Variants in STX8 observed in about 807,000 individuals in gnomAD.
STX8 encodes syntaxin-8.
In STX8, 23 loss-of-function variants were observed where a neutral mutation model predicts 37.5. The ratio of observed to expected loss-of-function variants is 0.61; its 90% CI spans 0.44 to 0.87. The LOEUF (loss-of-function observed/expected upper bound fraction) is 0.87, where lower values mean the gene tolerates loss of function less well. Ranked by LOEUF, STX8 falls within the 40% of genes least tolerant of loss-of-function variation. STX8 has a pLI of 0.00. For synonymous variants in STX8, 115 were observed against 99.1 expected (o/e 1.16, Z -0.95); for missense variants, 313 against 284.7 (o/e 1.10, Z -0.71).
At chr17:9,275,169 A>G (rs2052717887) in intron 7 of STX8, among the ~76,000 whole-genome samples, 1 of 152,072 alleles carries the variant, frequency 6.6e-6, no homozygotes, top group Non-Finnish European at 1.5e-5. Flanking sequence ...TGACGCAACC[A>G]TCCTCTTGAG....
At chr17:9,281,140 T>A (rs1907865543) in intron 7 of STX8, among the ~76,000 whole-genome samples, 1 of 152,034 alleles carries the variant, frequency 6.6e-6, no homozygotes, top group African/African-American at 2.4e-5. Flanking sequence ...ACGTGGAGAA[T>A]GGACTAGAGG....
intron 7 of STX8, among the ~76,000 whole-genome samples, chr17:9,273,876 T>G (rs1041058965): frequency 6.6e-6 from 1 of 152,186 alleles, no homozygotes; most frequent in Non-Finnish European, 1.5e-5. Context: ...TGCTGTCTAG[T>G]CTAACATGCT....
At chr17:9,255,922 G>A (rs114835423) in intron 7 of STX8, among the ~76,000 whole-genome samples, 3,460 of 152,272 alleles carry the variant, frequency 0.023, 131 homozygotes, top group African/African-American at 0.079. Context: ...GGCTTTCTTC[G>A]AATGTGATCC....
At chr17:9,261,980 G>C (rs1413855433) in intron 7 of STX8, among the ~76,000 whole-genome samples, 1 of 152,114 alleles carries the variant, frequency 6.6e-6, no homozygotes, top group Non-Finnish European at 1.5e-5. Context: ...TGTGGATTCG[G>C]CATTACAAAC....
At chr17:9,482,245 C>A (rs1312676165) in intron 6 of STX8, among the ~76,000 whole-genome samples, 2 of 151,940 alleles carry the variant, frequency 1.3e-5, no homozygotes, top group African/African-American at 2.4e-5. Context: ...ATACCACCTA[C>A]AGAATTTTTT....
chr17:9,466,566 C>T (rs1033315677), intron 6 of STX8, among the ~76,000 whole-genome samples: 2 of 152,174 alleles, frequency 1.3e-5, no homozygotes, highest in African/African-American at 2.4e-5. Flanking sequence ...CTTCAGAATC[C>T]ATACAAACTG....
intron 6 of STX8, among the ~76,000 whole-genome samples, chr17:9,454,607 G>C (rs1567568255): frequency 6.6e-6 from 1 of 151,574 alleles, no homozygotes; most frequent in Non-Finnish European, 1.5e-5. Flanking sequence ...GCAAACCCGG[G>C]AGGCGGAGCT....
chr17:9,297,922 A>G (rs1427109766), intron 7 of STX8, among the ~76,000 whole-genome samples: 1 of 152,206 alleles, frequency 6.6e-6, no homozygotes, highest in African/African-American at 2.4e-5. Flanking sequence ...ACCCCACTGT[A>G]TCTTAAGCGG....
intron 7 of STX8, among the ~76,000 whole-genome samples, chr17:9,277,541 T>C (rs535411495): frequency 1.3e-5 from 2 of 152,178 alleles, no homozygotes; most frequent in Admixed American, 6.5e-5. Context: ...AGGGTCAAGA[T>C]AGACATGATA....
intron 3 of STX8, among the ~76,000 whole-genome samples, chr17:9,556,634 G>A (rs1335790696): frequency 1.3e-5 from 2 of 151,216 alleles, no homozygotes; most frequent in Non-Finnish European, 2.9e-5. Flanking sequence ...TAGAGATGGG[G>A]TTTCACCATG....
intron 3 of STX8, among the ~76,000 whole-genome samples, chr17:9,550,548 T>C (rs749294278): frequency 1.2e-4 from 18 of 152,254 alleles, no homozygotes; most frequent in Admixed American, 5.2e-4. Flanking sequence ...CACTCGAGCC[T>C]GGGTGACACA....
chr17:9,416,514 A>C (rs761034588), intron 6 of STX8, among the ~76,000 whole-genome samples: 4 of 152,104 alleles, frequency 2.6e-5, no homozygotes, highest in Non-Finnish European at 5.9e-5. Context: ...GATTACAGGC[A>C]CATGCCACCA....
At chr17:9,454,491 A>C (rs1053856531) in intron 6 of STX8, among the ~76,000 whole-genome samples, 1 of 152,026 alleles carries the variant, frequency 6.6e-6, no homozygotes, top group African/African-American at 2.4e-5. Flanking sequence ...ATCCTGGCTA[A>C]CACAGTGAAA....
At chr17:9,485,175 G>A (rs140978544) in intron 6 of STX8, among the ~76,000 whole-genome samples, 5 of 152,278 alleles carry the variant, frequency 3.3e-5, no homozygotes, top group African/African-American at 9.6e-5. Context: ...ACTGATACAA[G>A]GCAGAGAAAG....
intron 4 of STX8, among the ~76,000 whole-genome samples, chr17:9,516,297 T>TTA (rs1905154340): frequency 3.8e-5 from 1 of 26,218 alleles, no homozygotes; most frequent in Non-Finnish European, 7.4e-5. Flanking sequence ...AGAACCACAG[T>TTA]CATATATATA....
At chr17:9,511,408 G>A (rs1277610797) in intron 4 of STX8, among the ~76,000 whole-genome samples, 1 of 152,074 alleles carries the variant, frequency 6.6e-6, no homozygotes. Context: ...AATATACCAT[G>A]ATCAAGTGGA....
At chr17:9,340,580 T>A (rs1214097671) in intron 7 of STX8, among the ~76,000 whole-genome samples, 2 of 151,810 alleles carry the variant, frequency 1.3e-5, no homozygotes, top group Non-Finnish European at 2.9e-5. Context: ...AATCCTAAAG[T>A]TATCTTGAAA....
At chr17:9,367,685 C>T (rs1245123828) in intron 7 of STX8, among the ~76,000 whole-genome samples, 1 of 152,150 alleles carries the variant, frequency 6.6e-6, no homozygotes, top group African/African-American at 2.4e-5. Flanking sequence ...TAAAATGGTA[C>T]TCACCATTAG....
intron 6 of STX8, among the ~76,000 whole-genome samples, chr17:9,415,753 G>A (rs1051434271): frequency 2.0e-5 from 3 of 151,998 alleles, no homozygotes. Context: ...TGACTGACAG[G>A]GCAAGACTCC....
Sources: allele counts gnomAD v4.1 joint callset (sites outside exome capture counted in the v4.1 genomes callset), GRCh38; gene constraint gnomAD v4.1.1; transcripts MANE v1.5; gene names NCBI Gene and HGNC (gene_info 2026-07-23, HGNC 2026-07-21).